Variants in SAA1 observed in about 807,000 individuals in gnomAD.
SAA1 encodes the protein serum amyloid A1.
A neutral mutation model predicts 9.8 loss-of-function variants in SAA1; 4 were observed. The ratio of observed to expected loss-of-function variants is 0.41; its 90% confidence interval spans 0.20 to 0.93. The LOEUF (loss-of-function observed/expected upper bound fraction) is 0.93. Ranked by LOEUF, SAA1 falls within the 40% of genes least tolerant of loss-of-function variation. SAA1 has a pLI of 0.33. For missense variants in SAA1, 114 were observed against 155.5 expected (o/e 0.73, Z 1.42); for synonymous variants, 47 against 57.7 (o/e 0.82, Z 0.84).
chr11:18,268,678 C>T (rs1162374345), intron 2 of SAA1, among the ~76,000 whole-genome samples: 1 of 151,822 alleles, frequency 6.6e-6, no homozygotes, highest in African/African-American at 2.4e-5. Flanking sequence ...ACTAAAAATA[C>T]AAAAATTAGC....
intron 3 of SAA1, 106 bp from the exon 4 acceptor site, chr11:18,269,611 T>G: frequency 1.3e-6 from 2 of 1,503,482 alleles, no homozygotes; most frequent in South Asian, 2.5e-5. Context: ...TCCTTGGCCT[T>G]TCTGGGCTCC....
chr11:18,267,939 C>T (rs1858083292), intron 2 of SAA1, among the ~76,000 whole-genome samples: 1 of 151,264 alleles, frequency 6.6e-6, no homozygotes. Flanking sequence ...CATCACTGAC[C>T]ACCTCCTAGA....
chr11:18,269,477 G>T (rs1373601924), intron 3 of SAA1, 144 bp downstream of exon 3: 11 of 1,476,242 alleles, frequency 7.5e-6, no homozygotes, highest in Non-Finnish European at 9.0e-6. Flanking sequence ...TGTGCTCAGT[G>T]TGAGGTCTGA....
chr11:18,269,191 C>A lies in SAA1; in HGVS notation c.92-4C>A. ...GTCCCTTCTGCCTTTCCTTTCCTTTCCAGGGGCTCGGGACATGTGGAGAGC... is the reference window on the plus strand; with the variant it reads ...GTCCCTTCTGCCTTTCCTTTCCTTTACAGGGGCTCGGGACATGTGGAGAGC... On this transcript the variant is annotated splice_region_variant and splice_polypyrimidine_tract_variant and intron_variant, in intron 2 of 3. Transcript: ENST00000356524. 10 of 1,575,672 alleles carry A rather than the reference C, an allele frequency of 6.3e-6. No homozygotes were observed. The highest frequency in any genetic ancestry group is 8.6e-6 in the Non-Finnish European group (10 of 1,167,442).
At position 18,267,761 on chromosome 11, in the gene SAA1, C is replaced by G. The variant is rs112998986; in HGVS notation, c.91+783C>G. On this transcript the variant is annotated intron_variant, in intron 2 of 3. Coordinates refer to ENST00000356524, the MANE Select transcript of SAA1 (RefSeq NM_199161.5). ...ATTTAGTTTCAGAATGACTCTGTGA[C>G]GCAATCTTCCTCTCTTGGAAGGTGA... Among the ~76,000 whole-genome samples, 15 of 107,160 alleles carry G rather than the reference C, an allele frequency of 1.4e-4. 2 individuals are homozygous for G. The highest frequency in any genetic ancestry group is 8.7e-4 in the Admixed American group (9 of 10,390). The allele number at this position is 107,160 out of a possible 152,430, so 70.3% of individuals were successfully genotyped here.
At chr11:18,267,658 T>G in intron 2 of SAA1, among the ~76,000 whole-genome samples, 1 of 115,184 alleles carries the variant, frequency 8.7e-6, no homozygotes, top group African/African-American at 3.3e-5. Flanking sequence ...CTGTTTCCAT[T>G]CTTCCTTCTC....
chr11:18,268,693 C>T (rs189543440), intron 2 of SAA1, among the ~76,000 whole-genome samples: 8 of 152,122 alleles, frequency 5.3e-5, no homozygotes, highest in Non-Finnish European at 8.8e-5. Flanking sequence ...ATTAGCCAGG[C>T]GTGATGGCGC....
At chr11:18,268,615 C>T (rs1289292236) in intron 2 of SAA1, among the ~76,000 whole-genome samples, 3 of 151,800 alleles carry the variant, frequency 2.0e-5, no homozygotes, top group South Asian at 2.1e-4. Flanking sequence ...AGGGGGATCA[C>T]GAGGTCAGGA....
chr11:18,269,237 C>G lies in SAA1; in HGVS notation c.134C>G (p.Ala45Gly), dbSNP rs2070313838. The G allele has an allele frequency of 1.2e-6, 2 of 1,603,698 alleles. No homozygotes were observed. The highest frequency in any genetic ancestry group is 1.3e-5 in the African/African-American group (1 of 74,256). Residue 45 changes from alanine to glycine, a missense_variant, in exon 3 of 4, where the codon GCC becomes GGC. Around this residue, in one of 2 missense-constraint regions of SAA1, gnomAD observed 46 missense variants for 100.8 expected, o/e 0.46. Coordinates refer to ENST00000356524, the MANE Select transcript of SAA1 (RefSeq NM_199161.5). ...AGAGCCTACTCTGACATGAGAGAAG[C>G]CAATTACATCGGCTCAGACAAATAC... ...MWRAYSDMRE[A>G]NYIGSDKYFH...
rs1858079877 is a variant in SAA1 at position 18,267,797 on chromosome 11, C to A, written c.91+819C>A. Among the ~76,000 whole-genome samples the A allele has an allele frequency of 1.8e-5, 2 of 108,710 alleles. 1 individual carries two copies. Among genetic ancestry groups the A allele is most frequent in the African/African-American group, 6.6e-5 (2 of 30,148 alleles). 71.3% of individuals were successfully genotyped at this position (108,710 alleles called of 152,430 possible). On this transcript the variant is annotated intron_variant, in intron 2 of 3. Coordinates refer to ENST00000356524, the MANE Select transcript of SAA1 (RefSeq NM_199161.5). ...TCTCTTGGAAGGTGAGAAAGCTGAT[C>A]TTGGAAGGTGAGAAAGCTGAGACTT... is the stretch of plus-strand genomic sequence containing the variant.
chr11:18,269,467 T>C, intron 3 of SAA1, 134 bp downstream of exon 3: 1 of 1,486,828 alleles, frequency 6.7e-7, no homozygotes, highest in South Asian at 1.4e-5. Flanking sequence ...TCTCTGCCTC[T>C]GTGCTCAGTG....
rs538423389 is a variant in SAA1 at position 18,269,058 on chromosome 11, G to A, written c.92-137G>A. 1.2e-4 allele frequency: 131 copies of A among 1,049,936 alleles called. 1 individual carries two copies. The African/African-American group carries it at 1.6e-3, about 13-fold the overall frequency. The allele number at this position is 1,049,936 out of a possible 1,614,324, so 65.0% of individuals were successfully genotyped here. On this transcript the variant is annotated intron_variant, in intron 2 of 3. Coordinates refer to ENST00000356524, the MANE Select transcript of SAA1 (RefSeq NM_199161.5). Reference sequence around the variant, plus strand: ...TAAAGGAATGTGCTTCTCAACCCATGGTATCCAAGGCTGCTATGATCACAG... The same window carrying A: ...TAAAGGAATGTGCTTCTCAACCCATAGTATCCAAGGCTGCTATGATCACAG...
chr11:18,269,660 T>TTCCAATCA, intron 3 of SAA1, 57 bp from the exon 4 acceptor site: 1 of 1,597,054 alleles, frequency 6.3e-7, no homozygotes, highest in Non-Finnish European at 8.6e-7. Context: ...AATGGGAGGG[T>TTCCAATCA]GGGCTATTGC....
At chr11:18,268,206 A>G (rs1858092593) in intron 2 of SAA1, among the ~76,000 whole-genome samples, 1 of 151,858 alleles carries the variant, frequency 6.6e-6, no homozygotes, top group Non-Finnish European at 1.5e-5. Context: ...CCCCGTCTCT[A>G]CTAAAAATAC....
At position 18,269,707 on chromosome 11, in the gene SAA1, T is replaced by C. The variant is rs1381674063; in HGVS notation, c.231-10T>C. 1.2e-6 allele frequency: 2 copies of C among 1,613,932 alleles called. No individual in the cohort carries two copies. Among genetic ancestry groups the C allele is most frequent in the East Asian group, 4.5e-5 (2 of 44,886 alleles). On this transcript the variant is annotated splice_polypyrimidine_tract_variant and intron_variant, in intron 3 of 3. Coordinates refer to ENST00000356524, the MANE Select transcript of SAA1 (RefSeq NM_199161.5). ...ATTATTAATCTCCTTCTTGCCTGCC[T>C]TGATTACAGCGATGCCAGAGAGAAT...
chr11:18,268,241 A>AGTG (rs1165113908), intron 2 of SAA1, among the ~76,000 whole-genome samples: 3 of 151,536 alleles, frequency 2.0e-5, no homozygotes, highest in Non-Finnish European at 4.4e-5. Context: ...GCGTGGTGGC[A>AGTG]GGCACCTGTA....
intron 2 of SAA1, among the ~76,000 whole-genome samples, chr11:18,268,467 T>A (rs953602717): frequency 2.0e-5 from 3 of 152,178 alleles, no homozygotes; most frequent in Non-Finnish European, 4.4e-5. Context: ...ACTAAGAAAG[T>A]ATTTAGGGAC....
rs1364328291 is a variant in SAA1 at position 18,269,192 on chromosome 11, C to T, written c.92-3C>T. On this transcript the variant is annotated splice_region_variant and splice_polypyrimidine_tract_variant and intron_variant, in intron 2 of 3. Transcript: ENST00000356524. The stretch of plus-strand genomic sequence containing the variant: ...TCCCTTCTGCCTTTCCTTTCCTTTC[C>T]AGGGGCTCGGGACATGTGGAGAGCC... 2.5e-5 allele frequency: 39 copies of T among 1,575,748 alleles called. No individual in the cohort carries two copies. The highest frequency in any genetic ancestry group is 3.3e-5 in the Non-Finnish European group (39 of 1,167,606).
chr11:18,269,853 T>G lies in SAA1; in HGVS notation c.367T>G (p.Ter123GlyextTer13). 1 of 1,614,106 alleles carries G rather than the reference T, an allele frequency of 6.2e-7. No homozygotes were observed. The highest frequency in any genetic ancestry group is 8.5e-7 in the Non-Finnish European group (1 of 1,180,020). The change falls in exon 4 of 4, where the codon TGA becomes GGA. Residue 123 changes from the stop codon to glycine (G), a stop_lost. Coordinates refer to ENST00000356524, the MANE Select transcript of SAA1 (RefSeq NM_199161.5). ...FRPAGLPEKY[*>G] ...ACCTGCTGGCCTGCCTGAGAAATAC[T>G]GAGCTTCCTCTTCACTCTGCTCTCA...
Sources: gnomAD v4.1 joint callset for allele counts (sites outside exome capture counted in the v4.1 genomes callset) on GRCh38, gnomAD v4.1.1 for gene constraint, gnomAD v4.1.1 regional missense constraint, MANE v1.5 for transcripts, NCBI Gene and HGNC (gene_info 2026-07-23, HGNC 2026-07-21) for gene names.